The following SYBU variants were observed in gnomAD, a reference collection of about 807,000 sequenced individuals.
SYBU encodes syntabulin, also known as GOLSYN A protein.
Under a neutral mutation model 35.9 loss-of-function variants are expected in SYBU, and 21 were observed. That is an observed-to-expected ratio of 0.58 (90% CI 0.41 to 0.84). The LOEUF is 0.84. Among genes scored for constraint, SYBU ranks in the 40% least tolerant of loss-of-function variants. The pLI, the probability that SYBU is intolerant of heterozygous loss-of-function variation, is 0.00. For missense variants in SYBU, 768 were observed against 848.2 expected, an observed-to-expected ratio of 0.91 and a Z score of 1.17; for synonymous variants, 319 against 324.3, an observed-to-expected ratio of 0.98 and a Z score of 0.18.
intron 2 of SYBU, among the ~76,000 whole-genome samples, chr8:109,636,260 G>A (rs1325382581): frequency 6.6e-6 from 1 of 152,180 alleles, no homozygotes; most frequent in African/African-American, 2.4e-5. Flanking sequence ...CTTATGAAAT[G>A]TGAGAAGCCA....
chr8:109,591,824 T>G (rs1824314468), intron 3 of SYBU, among the ~76,000 whole-genome samples: 1 of 151,992 alleles, frequency 6.6e-6, no homozygotes. Flanking sequence ...AAATGTAAAT[T>G]TTTAAGGGAA....
upstream of SYBU, chr8:109,645,616 TTGTTGTTTCGTTTTTTG>T: frequency 7.1e-6 from 2 of 280,886 alleles, no homozygotes; most frequent in Non-Finnish European, 1.4e-5. Flanking sequence ...AAAGTTTTTG[TTGTTGTTTCGTTTTTTG>T]TTTTTTTTTT....
At chr8:109,590,582 A>G (rs959264447) in intron 3 of SYBU, among the ~76,000 whole-genome samples, 9 of 152,148 alleles carry the variant, frequency 5.9e-5, no homozygotes, top group African/African-American at 2.2e-4. Flanking sequence ...CTAAACACAA[A>G]AGAAGAGAAG....
At chr8:109,630,428 A>T (rs1365641609) in intron 2 of SYBU, among the ~76,000 whole-genome samples, 1 of 148,508 alleles carries the variant, frequency 6.7e-6, no homozygotes, top group Middle Eastern at 3.4e-3. Context: ...TATAATAATA[A>T]AAAAAAAAAG....
rs535652540 is a variant in SYBU, at chr8:109,651,448, CTTTTTTTTTT to C, written c.-129+29253_-129+29262del. ...GAGTCTCATAGGCCTGAAATTGAGA[CTTTTTTTTTT>C]TTTTTTTTTTTTTTTTTGCTCTGAC... On this transcript the variant is annotated intron_variant, in intron 1 of 5. Transcript: ENST00000408889. Among the ~76,000 whole-genome samples, 15 of 64,500 alleles carry C rather than the reference CTTTTTTTTTT, an allele frequency of 2.3e-4. No individual in the cohort carries two copies. The East Asian group carries it at 6.0e-3, about 26-fold the overall frequency. The allele number at this position is 64,500 out of a possible 152,430, so 42.3% of individuals were successfully genotyped here. A position where few individuals can be genotyped will look rare whatever the true frequency, so the allele number is the denominator to read the frequency against.
chr8:109,653,530 T>C (rs1816235130), intron 1 of SYBU, among the ~76,000 whole-genome samples: 1 of 152,184 alleles, frequency 6.6e-6, no homozygotes, highest in Non-Finnish European at 1.5e-5. Context: ...AAGCTGAGCA[T>C]GGTGGGAAAA....
chr8:109,644,586 G>A (rs1430550629), intron 1 of SYBU, 50 bp downstream of exon 1: 1 of 1,533,996 alleles, frequency 6.5e-7, no homozygotes, highest in South Asian at 1.2e-5. Context: ...TCGCCCCGCA[G>A]TGCCCGCCTT....
chr8:109,605,378 A>G (rs992850734), intron 3 of SYBU, among the ~76,000 whole-genome samples: 1 of 152,172 alleles, frequency 6.6e-6, no homozygotes, highest in Non-Finnish European at 1.5e-5. Context: ...TGTTTAGCTA[A>G]ACATATTCAG....
chr8:109,650,122 C>T (rs1816060769), intron 1 of SYBU, among the ~76,000 whole-genome samples: 2 of 152,220 alleles, frequency 1.3e-5, no homozygotes, highest in South Asian at 4.2e-4. Context: ...GGATGCTTCT[C>T]AGACATGCCA....
intron 1 of SYBU, among the ~76,000 whole-genome samples, chr8:109,673,537 G>C (rs1817068069): frequency 6.6e-6 from 1 of 152,148 alleles, no homozygotes; most frequent in Admixed American, 6.5e-5. Context: ...AGAATCACCA[G>C]CATCAAAGAC....
intron 3 of SYBU, among the ~76,000 whole-genome samples, chr8:109,616,762 C>A (rs1811842796): frequency 6.6e-6 from 1 of 151,386 alleles, no homozygotes; most frequent in Admixed American, 6.6e-5. Context: ...TTCTGAATCC[C>A]ATAGCCTACC....
At chr8:109,690,175 T>A (rs1234255041) in intron 1 of SYBU, among the ~76,000 whole-genome samples, 1 of 152,184 alleles carries the variant, frequency 6.6e-6, no homozygotes, top group Admixed American at 6.5e-5. Flanking sequence ...AATCAAAATC[T>A]GCACTATGAT....
chr8:109,653,139 A>G (rs964181035), intron 1 of SYBU, among the ~76,000 whole-genome samples: 3 of 152,170 alleles, frequency 2.0e-5, no homozygotes, highest in Admixed American at 6.5e-5. Context: ...CAATAATGAT[A>G]AATGATGTTC....
intron 2 of SYBU, among the ~76,000 whole-genome samples, chr8:109,640,985 T>TG (rs1429455459): frequency 6.6e-6 from 1 of 152,206 alleles, no homozygotes; most frequent in African/African-American, 2.4e-5. Flanking sequence ...TAGGTCCTGC[T>TG]AAATTAGAGC....
At chr8:109,675,638 A>G (rs1817160040) in intron 1 of SYBU, among the ~76,000 whole-genome samples, 1 of 152,236 alleles carries the variant, frequency 6.6e-6, no homozygotes, top group South Asian at 2.1e-4. Context: ...AAATTGAGGC[A>G]GTAATTAATA....
intron 1 of SYBU, among the ~76,000 whole-genome samples, chr8:109,676,835 G>A (rs1817207770): frequency 6.6e-6 from 1 of 152,160 alleles, no homozygotes; most frequent in Non-Finnish European, 1.5e-5. Flanking sequence ...GCACCCAAGA[G>A]GGAATGGGAT....
At chr8:109,579,279 A>G (rs948194911) in intron 5 of SYBU, among the ~76,000 whole-genome samples, 1 of 152,086 alleles carries the variant, frequency 6.6e-6, no homozygotes, top group South Asian at 2.1e-4. Flanking sequence ...ATATGAATTA[A>G]CTTGTTGCTT....
At chr8:109,641,196 A>AT (rs911795028) in intron 2 of SYBU, among the ~76,000 whole-genome samples, 1 of 152,216 alleles carries the variant, frequency 6.6e-6, no homozygotes, top group African/African-American at 2.4e-5. Context: ...TTCAATGGGA[A>AT]TAAAAAGCTC....
At chr8:109,576,391 C>T (rs1365618974) in intron 6 of SYBU, among the ~76,000 whole-genome samples, 6 of 152,142 alleles carry the variant, frequency 3.9e-5, no homozygotes, top group Admixed American at 6.5e-5. Flanking sequence ...CAAGTCTTAT[C>T]TTCTACTCAA....
Sources: gnomAD v4.1 joint callset for allele counts (sites outside exome capture counted in the v4.1 genomes callset) on GRCh38, gnomAD v4.1.1 for gene constraint, MANE v1.5 for transcripts, NCBI Gene and HGNC (gene_info 2026-07-23, HGNC 2026-07-21) for gene names.